HNRNPD: variants seen among roughly 807,000 people sequenced by gnomAD.
HNRNPD encodes heterogeneous nuclear ribonucleoprotein D.
A neutral mutation model predicts 47.9 loss-of-function variants in HNRNPD; 3 were observed. The observed-to-expected ratio is 0.06, with a 90% CI of 0.03 to 0.16. HNRNPD has a LOEUF of 0.16. Among genes scored for constraint, HNRNPD ranks in the 10% least tolerant of loss-of-function variants. The pLI is 1.00. For missense variants in HNRNPD, 287 were observed against 454.2 expected (o/e 0.63, Z 3.35); for synonymous variants, 171 against 165.1 (o/e 1.04, Z -0.28).
Position 82,373,877 on chromosome 4 carries a change from G to A in HNRNPD, c.-199C>T. 8.0e-7 allele frequency: 1 copy of A among 1,249,208 alleles called. No homozygotes were observed. The highest frequency in any genetic ancestry group is 1.1e-6 in the Non-Finnish European group (1 of 938,734). The allele number at this position is 1,249,208 out of a possible 1,614,324, so 77.4% of individuals were successfully genotyped here. A position where few individuals can be genotyped will look rare whatever the true frequency, so the allele number is the denominator to read the frequency against. On this transcript the variant is annotated 5_prime_UTR_variant, in exon 1 of 9. Transcript: ENST00000313899. ...CCCCCTTCGCCTCCCACTCTCGCGC[G>A]GCGCACACTCCCGCTCTCTCCCGCT... is the stretch of plus-strand genomic sequence containing the variant.
In HNRNPD at chr4:82,373,726, C is replaced by A. The variant is rs1351035670; in HGVS notation, c.-48G>T. The A allele has an allele frequency of 2.0e-6, 3 of 1,529,790 alleles. No homozygotes were observed. In the African/African-American group the frequency reaches 4.2e-5, roughly 21 times the overall value. 94.8% of individuals were successfully genotyped at this position (1,529,790 alleles called of 1,614,324 possible). A position where few individuals can be genotyped will look rare whatever the true frequency, so the allele number is the denominator to read the frequency against. ...CCGCCGAGACTACACCCGCCGCTGC[C>A]GCGAACCGAAACTAGCAGCAAAGTA... is the stretch of plus-strand genomic sequence containing the variant. On this transcript the variant is annotated 5_prime_UTR_variant, in exon 1 of 9. Transcript: ENST00000313899.
chr4:82,357,287 T>C (rs1399775279), intron 5 of HNRNPD, 26 bp downstream of exon 5: 4 of 1,591,718 alleles, frequency 2.5e-6, no homozygotes, highest in Non-Finnish European at 3.4e-6. Context: ...TAGTTTTCTC[T>C]ACAAGTAAAT....
chr4:82,373,537 C>G lies in HNRNPD; in HGVS notation c.142G>C (p.Gly48Arg). The change falls in exon 1 of 9, where the codon GGG becomes CGG. Residue 48 changes from glycine to arginine, a missense_variant. Gly to Arg is a moderately radical substitution (Grantham distance 125). Coordinates refer to ENST00000313899, the MANE Select transcript of HNRNPD (RefSeq NM_031370.3). Reference protein sequence around the residue: ...AAAAGSGAGTGGGTASGGTEG... With the variant: ...AAAAGSGAGTRGGTASGGTEG... ...GTGCCTCCAGACGCGGTTCCGCCCCCGGTCCCGGCTCCGCTTCCCGCCGCC... is the reference window on the plus strand; with the variant it reads ...GTGCCTCCAGACGCGGTTCCGCCCCGGGTCCCGGCTCCGCTTCCCGCCGCC... The G allele has an allele frequency of 6.5e-7, 1 of 1,541,028 alleles. No homozygotes were observed. The highest frequency in any genetic ancestry group is 8.7e-7 in the Non-Finnish European group (1 of 1,143,146).
intron 2 of HNRNPD, among the ~76,000 whole-genome samples, chr4:82,363,063 T>C (rs1417381423): frequency 3.3e-5 from 5 of 151,650 alleles, no homozygotes; most frequent in African/African-American, 1.2e-4. Context: ...TATATATATA[T>C]ATACATTTAC....
At position 82,373,772 on chromosome 4, in the gene HNRNPD, C is replaced by G. The variant is rs1419555281; in HGVS notation, c.-94G>C. The G allele has an allele frequency of 6.6e-7, 1 of 1,526,260 alleles. No homozygotes were observed. Among genetic ancestry groups the G allele is most frequent in the Non-Finnish European group, 8.7e-7 (1 of 1,143,328 alleles). 94.5% of individuals were successfully genotyped at this position (1,526,260 alleles called of 1,614,324 possible). ...AAGTAATCCCCGCCGCTGCCGCGCG[C>G]CCGCTCTACCTCGCGAAGCACACAA... On this transcript the variant is annotated 5_prime_UTR_variant, in exon 1 of 9. Transcript: ENST00000313899.
intron 8 of HNRNPD, 75 bp downstream of exon 8, chr4:82,355,229 C>T (rs1723665597): frequency 1.2e-6 from 1 of 808,924 alleles, no homozygotes; most frequent in Admixed American, 2.4e-5. Context: ...TTAAATTAAG[C>T]ATTGTTTTAT....
chr4:82,356,490 C>A (rs754670114), intron 7 of HNRNPD, 47 bp downstream of exon 7: 5 of 1,482,470 alleles, frequency 3.4e-6, no homozygotes, highest in Non-Finnish European at 3.7e-6. Flanking sequence ...CAAATTTGTA[C>A]AAAATAAATG....
intron 6 of HNRNPD, 28 bp downstream of exon 6, chr4:82,356,768 G>A (rs538717798): frequency 6.2e-7 from 1 of 1,612,584 alleles, no homozygotes; most frequent in South Asian, 1.1e-5. Flanking sequence ...AAAAGCTTAA[G>A]ATAGAGTAAA....
At chr4:82,368,973 T>C (rs1393346035) in intron 2 of HNRNPD, among the ~76,000 whole-genome samples, 1 of 152,168 alleles carries the variant, frequency 6.6e-6, no homozygotes, top group Non-Finnish European at 1.5e-5. Context: ...TGTCCTGTTA[T>C]TAAAGAAGCA....
chr4:82,359,026 C>T (rs1440321563), intron 3 of HNRNPD, among the ~76,000 whole-genome samples: 1 of 152,028 alleles, frequency 6.6e-6, no homozygotes, highest in Non-Finnish European at 1.5e-5. Context: ...AGGACATACA[C>T]AAATTTAACC....
chr4:82,354,748 C>T (rs993026968), intron 8 of HNRNPD: 8 of 152,584 alleles, frequency 5.2e-5, no homozygotes, highest in African/African-American at 1.7e-4. Context: ...AGTAAGCTGA[C>T]GTATTTAACC....
At position 82,353,450 on chromosome 4, in the gene HNRNPD, C is replaced by A. The variant is rs921719177; in HGVS notation, c.*735G>T. The A allele has an allele frequency of 9.2e-5, 14 of 152,430 alleles. No homozygotes were observed. Among genetic ancestry groups the A allele is most frequent in the Non-Finnish European group, 1.9e-4 (13 of 68,008 alleles). The allele number at this position is 152,430 out of a possible 1,614,324, so 9.4% of individuals were successfully genotyped here. A position where few individuals can be genotyped will look rare whatever the true frequency, so the allele number is the denominator to read the frequency against. On this transcript the variant is annotated 3_prime_UTR_variant, in exon 9 of 9. Coordinates refer to ENST00000313899, the MANE Select transcript of HNRNPD (RefSeq NM_031370.3). ...TATTATAATTAACAGATTTTAAGTC[C>A]TTTTTATTTAATGGAAGCATAAAAC...
intron 2 of HNRNPD, among the ~76,000 whole-genome samples, chr4:82,368,028 T>C (rs1719850008): frequency 6.6e-6 from 1 of 152,198 alleles, no homozygotes; most frequent in Non-Finnish European, 1.5e-5. Flanking sequence ...GTGCCCTATC[T>C]ACTAAAACGT....
At chr4:82,356,756 A>C in intron 6 of HNRNPD, 40 bp downstream of exon 6, 1 of 1,612,876 alleles carries the variant, frequency 6.2e-7, no homozygotes. Context: ...ATTAAAAAGC[A>C]GAAAAGCTTA....
At chr4:82,354,455 C>T (rs1025354979) in intron 8 of HNRNPD, 1 of 152,614 alleles carries the variant, frequency 6.6e-6, no homozygotes, top group Non-Finnish European at 1.5e-5. Flanking sequence ...GACATTTTGA[C>T]CCAAGAGCAT....
chr4:82,368,019 T>C (rs184851059), intron 2 of HNRNPD, among the ~76,000 whole-genome samples: 1 of 152,314 alleles, frequency 6.6e-6, no homozygotes, highest in African/African-American at 2.4e-5. Context: ...TCCAGTTCAG[T>C]GCCCTATCTA....
chr4:82,363,083 T>A (rs1719564277), intron 2 of HNRNPD, among the ~76,000 whole-genome samples: 2 of 150,694 alleles, frequency 1.3e-5, no homozygotes, highest in African/African-American at 2.4e-5. Flanking sequence ...CAAATACTTA[T>A]TTTTTTCTTT....
Position 82,373,712 on chromosome 4 carries a change from A to T in HNRNPD, c.-34T>A. The T allele has an allele frequency of 1.3e-6, 2 of 1,528,324 alleles. No homozygotes were observed. The highest frequency in any genetic ancestry group is 1.7e-6 in the Non-Finnish European group (2 of 1,144,356). 94.7% of individuals were successfully genotyped at this position (1,528,324 alleles called of 1,614,324 possible). A position where few individuals can be genotyped will look rare whatever the true frequency, so the allele number is the denominator to read the frequency against. ...TGTCTCCGCCGCTGCCGCCGAGACT[A>T]CACCCGCCGCTGCCGCGAACCGAAA... On this transcript the variant is annotated 5_prime_UTR_variant, in exon 1 of 9. Coordinates refer to ENST00000313899, the MANE Select transcript of HNRNPD (RefSeq NM_031370.3).
chr4:82,373,952 G>T lies in HNRNPD; in HGVS notation c.-274C>A. ...CGGCGGCCGCTCTCGCCTCCTCCTC[G>T]CTTTAATGGCGCCGCCGCGGACCAC... On this transcript the variant is annotated 5_prime_UTR_variant, in exon 1 of 9. Coordinates refer to ENST00000313899, the MANE Select transcript of HNRNPD (RefSeq NM_031370.3). The T allele has an allele frequency of 1.4e-6, 1 of 711,916 alleles. No individual in the cohort carries two copies. The highest frequency in any genetic ancestry group is 2.1e-6 in the Non-Finnish European group (1 of 470,066). 44.1% of individuals were successfully genotyped at this position (711,916 alleles called of 1,614,324 possible). A position where few individuals can be genotyped will look rare whatever the true frequency, so the allele number is the denominator to read the frequency against.
Sources: gnomAD v4.1 joint callset for allele counts (sites outside exome capture counted in the v4.1 genomes callset) on GRCh38, gnomAD v4.1.1 for gene constraint, MANE v1.5 for transcripts, NCBI Gene and HGNC (gene_info 2026-07-23, HGNC 2026-07-21) for gene names.